The following CCDC93 variants were observed in gnomAD, a reference collection of about 807,000 sequenced individuals.
CCDC93 encodes the protein CCC complex scaffolding subunit CCDC93.
A neutral mutation model predicts 108.2 loss-of-function variants in CCDC93; 61 were observed. That is an observed-to-expected ratio of 0.56 (90% CI 0.46 to 0.70). The LOEUF (loss-of-function observed/expected upper bound fraction) is 0.70, where lower values mean the gene tolerates loss of function less well. Ranked by LOEUF, CCDC93 falls within the 30% of genes least tolerant of loss-of-function variation. The probability of loss-of-function intolerance (pLI) is 0.00; values close to 1 mark genes in which losing one functional copy is unlikely to be tolerated. For synonymous variants in CCDC93, 276 were observed against 260.4 expected, an observed-to-expected ratio of 1.06 and a Z score of -0.58; for missense variants, 685 against 764.2, an observed-to-expected ratio of 0.90 and a Z score of 1.22.
intron 22 of CCDC93, among the ~76,000 whole-genome samples, chr2:117,932,990 C>T (rs938140189): frequency 3.3e-5 from 5 of 152,182 alleles, no homozygotes; most frequent in African/African-American, 1.2e-4. Context: ...GGTAGCAATG[C>T]GCTTGAATTA....
rs1318649113 is a variant in CCDC93 at position 118,014,053 on chromosome 2, T to C, written c.-58A>G. 1 of 1,568,716 alleles carries C rather than the reference T, an allele frequency of 6.4e-7. No individual in the cohort carries two copies. The highest frequency in any genetic ancestry group is 8.6e-7 in the Non-Finnish European group (1 of 1,157,676). ...AGCCCGCCAAGCGTCCGGAGGAAGC[T>C]GTCCCTGCCGCGGAGCTGCTACCGG... On this transcript the variant is annotated 5_prime_UTR_variant, in exon 1 of 24. Transcript: ENST00000376300.
At chr2:117,943,073 C>G (rs1297942200) in intron 18 of CCDC93, among the ~76,000 whole-genome samples, 1 of 152,168 alleles carries the variant, frequency 6.6e-6, no homozygotes, top group East Asian at 1.9e-4. Flanking sequence ...AGTTCATTTC[C>G]ATGCATTCTA....
intron 11 of CCDC93, among the ~76,000 whole-genome samples, chr2:117,966,332 C>T (rs972630962): frequency 1.3e-5 from 2 of 152,206 alleles, no homozygotes; most frequent in African/African-American, 2.4e-5. Flanking sequence ...GGCAGTAAGA[C>T]AGAAACTGTC....
intron 11 of CCDC93, among the ~76,000 whole-genome samples, chr2:117,967,015 C>T (rs1679604482): frequency 6.6e-6 from 1 of 152,060 alleles, no homozygotes; most frequent in Non-Finnish European, 1.5e-5. Context: ...TTTTCTGAAA[C>T]AAAGTCTCTC....
chr2:118,007,919 T>C (rs1676922279), intron 2 of CCDC93, among the ~76,000 whole-genome samples: 1 of 152,232 alleles, frequency 6.6e-6, no homozygotes, highest in South Asian at 2.1e-4. Flanking sequence ...GTGATTTGAA[T>C]GCGTCCTTTC....
At chr2:117,924,650 T>C (rs1425032774) in intron 23 of CCDC93, among the ~76,000 whole-genome samples, 1 of 152,218 alleles carries the variant, frequency 6.6e-6, no homozygotes, top group Non-Finnish European at 1.5e-5. Flanking sequence ...AATCTACATC[T>C]GATTGGTGTA....
intron 6 of CCDC93, among the ~76,000 whole-genome samples, chr2:117,992,497 G>A (rs1309896177): frequency 1.3e-5 from 2 of 152,110 alleles, no homozygotes; most frequent in African/African-American, 4.8e-5. Context: ...GCCCACCTCG[G>A]CCTCCCAAAG....
chr2:118,011,124 T>C (rs1677010635), intron 1 of CCDC93, among the ~76,000 whole-genome samples: 1 of 152,176 alleles, frequency 6.6e-6, no homozygotes, highest in South Asian at 2.1e-4. Context: ...TAAAGAATGA[T>C]CTACTAATGC....
At chr2:117,927,483 G>A (rs931386199) in intron 23 of CCDC93, among the ~76,000 whole-genome samples, 1 of 151,800 alleles carries the variant, frequency 6.6e-6, no homozygotes, top group Non-Finnish European at 1.5e-5. Flanking sequence ...CAGACAGAGA[G>A]CCAAATCATG....
chr2:117,974,943 C>G, intron 9 of CCDC93, 43 bp from the exon 10 acceptor site: 1 of 1,503,688 alleles, frequency 6.7e-7, no homozygotes, highest in Non-Finnish European at 9.1e-7. Flanking sequence ...TGGTTCTGAA[C>G]ATGTAAGACA....
chr2:117,983,630 T>TTATA (rs66879401), intron 7 of CCDC93, among the ~76,000 whole-genome samples: 25 of 98,574 alleles, frequency 2.5e-4, no homozygotes, highest in African/African-American at 7.8e-4. Context: ...CTGCTCAAAA[T>TTATA]TATATATATA....
chr2:117,921,439 A>G (rs1558763766), intron 23 of CCDC93, among the ~76,000 whole-genome samples: 1 of 152,034 alleles, frequency 6.6e-6, no homozygotes, highest in Non-Finnish European at 1.5e-5. Context: ...CAAACCTCCA[A>G]TAACTCTGAC....
chr2:118,002,569 T>C (rs1007294576), intron 3 of CCDC93, among the ~76,000 whole-genome samples: 1 of 152,092 alleles, frequency 6.6e-6, no homozygotes, highest in Non-Finnish European at 1.5e-5. Context: ...TCAGATCCAA[T>C]GTGTTAATAG....
chr2:118,013,385 T>C (rs2104841534), intron 1 of CCDC93, among the ~76,000 whole-genome samples: 1 of 152,328 alleles, frequency 6.6e-6, no homozygotes, highest in East Asian at 1.9e-4. Flanking sequence ...GACACCTCCC[T>C]GGTGCGCGCA....
At chr2:117,995,676 T>C in intron 5 of CCDC93, 174 bp from the exon 6 acceptor site, 2 of 595,294 alleles carry the variant, frequency 3.4e-6, no homozygotes, top group South Asian at 2.0e-5. Flanking sequence ...CTACAAACCC[T>C]GCAGATGGCT....
intron 14 of CCDC93, 67 bp downstream of exon 14, chr2:117,949,255 A>T: frequency 9.3e-7 from 1 of 1,078,198 alleles, no homozygotes; most frequent in Non-Finnish European, 1.4e-6. Context: ...TAAACAAATT[A>T]AGCCAACAAG....
At chr2:118,013,690 G>A (rs898456771) in intron 1 of CCDC93, among the ~76,000 whole-genome samples, 2 of 152,000 alleles carry the variant, frequency 1.3e-5, no homozygotes, top group Non-Finnish European at 2.9e-5. Context: ...GTCAGAGCAG[G>A]TGTCGGGCTA....
chr2:117,961,364 T>A (rs1473273588), intron 11 of CCDC93, among the ~76,000 whole-genome samples: 1 of 152,216 alleles, frequency 6.6e-6, no homozygotes, highest in African/African-American at 2.4e-5. Flanking sequence ...CTTAGTCCTG[T>A]GTGGAGTCCT....
chr2:117,930,069 T>G (rs17510189), intron 23 of CCDC93, among the ~76,000 whole-genome samples: 8,068 of 152,264 alleles, frequency 0.053, 289 homozygotes, highest in Non-Finnish European at 0.083. Flanking sequence ...AAGATGAGAT[T>G]TTGAAATGCC....
Sources: gnomAD v4.1 joint callset for allele counts (sites outside exome capture counted in the v4.1 genomes callset) on GRCh38, gnomAD v4.1.1 for gene constraint, MANE v1.5 for transcripts, NCBI Gene and HGNC (gene_info 2026-07-23, HGNC 2026-07-21) for gene names.